UQCRFS1: variants seen among roughly 807,000 people sequenced by gnomAD.
UQCRFS1 encodes the protein cytochrome b-c1 complex subunit Rieske, mitochondrial.
A neutral mutation model predicts 15.6 loss-of-function variants in UQCRFS1; 6 were observed. The ratio of observed to expected loss-of-function variants is 0.38; its 90% CI spans 0.21 to 0.76. The LOEUF is 0.76. UQCRFS1 is among the 30% of genes least tolerant of loss of function. The probability of loss-of-function intolerance (pLI) is 0.44; values close to 1 mark genes in which losing one functional copy is unlikely to be tolerated. For synonymous variants in UQCRFS1, 105 were observed against 154.3 expected, an observed-to-expected ratio of 0.68 and a Z score of 2.37; for missense variants, 203 against 366.7, an observed-to-expected ratio of 0.55 and a Z score of 3.65.
At chr19:29,212,440 G>A (rs950279950) in intron 1 of UQCRFS1, among the ~76,000 whole-genome samples, 2 of 151,978 alleles carry the variant, frequency 1.3e-5, no homozygotes, top group Non-Finnish European at 2.9e-5. Context: ...ATCGGTAGTG[G>A]TGAGAAGACC....
intron 1 of UQCRFS1, among the ~76,000 whole-genome samples, chr19:29,209,636 T>C (rs534876648): frequency 6.6e-6 from 1 of 152,302 alleles, no homozygotes; most frequent in East Asian, 1.9e-4. Flanking sequence ...CATTACATCC[T>C]ATACTACTAC....
In UQCRFS1 at chr19:29,205,912, C is replaced by T. The variant is rs761900476; in HGVS notation, c.*1636G>A. On this transcript the variant is annotated 3_prime_UTR_variant, in exon 2 of 2. Transcript: ENST00000304863. ...AAGCAGCCACCAAATATAGCAATTC[C>T]GGCACTAAGTGAGTACCTAGAGACC... 31 of 152,140 alleles carry T rather than the reference C, an allele frequency of 2.0e-4. No individual in the cohort carries two copies. The highest frequency in any genetic ancestry group is 1.1e-3 in the Admixed American group (17 of 15,280). 9.4% of individuals were successfully genotyped at this position (152,140 alleles called of 1,614,324 possible).
At chr19:29,210,721 GGT>G in intron 1 of UQCRFS1, among the ~76,000 whole-genome samples, 1 of 152,088 alleles carries the variant, frequency 6.6e-6, no homozygotes, top group East Asian at 1.9e-4. Flanking sequence ...AGTATTCCAC[GGT>G]GTATATGTGC....
At position 29,205,861 on chromosome 19, in the gene UQCRFS1, C is replaced by G. The variant is rs1290116730; in HGVS notation, c.*1687G>C. 6.6e-6 allele frequency: 1 copy of G among 152,194 alleles called. No individual in the cohort carries two copies. Among genetic ancestry groups the G allele is most frequent in the Non-Finnish European group, 1.5e-5 (1 of 68,036 alleles). The allele number at this position is 152,194 out of a possible 1,614,324, so 9.4% of individuals were successfully genotyped here. A position where few individuals can be genotyped will look rare whatever the true frequency, so the allele number is the denominator to read the frequency against. ...CTACAATTTAACAGCATCCCACCATCAAACTCTAAATATGAAAGATGAAGT... is the reference window on the plus strand; with the variant it reads ...CTACAATTTAACAGCATCCCACCATGAAACTCTAAATATGAAAGATGAAGT... On this transcript the variant is annotated 3_prime_UTR_variant, in exon 2 of 2. Coordinates refer to ENST00000304863, the MANE Select transcript of UQCRFS1 (RefSeq NM_006003.3).
At chr19:29,211,348 C>T (rs548298215) in intron 1 of UQCRFS1, among the ~76,000 whole-genome samples, 98 of 152,340 alleles carry the variant, frequency 6.4e-4, no homozygotes, top group African/African-American at 2.3e-3. Flanking sequence ...AGCAACACGA[C>T]GAATTCCAAA....
intron 1 of UQCRFS1, among the ~76,000 whole-genome samples, chr19:29,211,349 G>A (rs1388848108): frequency 1.3e-5 from 2 of 152,160 alleles, no homozygotes; most frequent in Admixed American, 6.5e-5. Flanking sequence ...GCAACACGAC[G>A]AATTCCAAAG....
At position 29,208,165 on chromosome 19, in the gene UQCRFS1, G is replaced by A. The variant is rs777749340; in HGVS notation, c.215-7C>T. 1.2e-6 allele frequency: 2 copies of A among 1,600,482 alleles called. No individual in the cohort carries two copies. Among genetic ancestry groups the A allele is most frequent in the East Asian group, 2.2e-5 (1 of 44,822 alleles). On this transcript the variant is annotated splice_region_variant and splice_polypyrimidine_tract_variant and intron_variant, in intron 1 of 1. Coordinates refer to ENST00000304863, the MANE Select transcript of UQCRFS1 (RefSeq NM_006003.3). ...TAACAAACAGAAGCAGGGACTGCAA[G>A]ACAAACAGAAGGTTAAAAAACACAA...
At chr19:29,210,740 T>C (rs1976638171) in intron 1 of UQCRFS1, among the ~76,000 whole-genome samples, 1 of 152,244 alleles carries the variant, frequency 6.6e-6, no homozygotes, top group Admixed American at 6.5e-5. Context: ...GTGCCACATT[T>C]TCTTAATCCG....
At position 29,213,080 on chromosome 19, in the gene UQCRFS1, G is replaced by T. The variant is rs907234512; in HGVS notation, c.39C>A (p.Pro13=). Residue 13 remains proline, a synonymous_variant, in exon 1 of 2, where the codon CCC becomes CCA. Transcript: ENST00000304863. ...CCCCGCGGGACGTGGCCGACAGGACGGGCGCGAACGGGCCTGAGCGGGATG... is the reference window on the plus strand; with the variant it reads ...CCCCGCGGGACGTGGCCGACAGGACTGGCGCGAACGGGCCTGAGCGGGATG... ...SVASRSGPFA[P]VLSATSRGVA... The T allele has an allele frequency of 1.2e-5, 18 of 1,491,056 alleles. No homozygotes were observed. Among genetic ancestry groups the T allele is most frequent in the Non-Finnish European group, 1.6e-5 (18 of 1,129,528 alleles). 92.4% of individuals were successfully genotyped at this position (1,491,056 alleles called of 1,614,324 possible).
In UQCRFS1 at chr19:29,208,153, C is replaced by T. The variant is rs778792989; in HGVS notation, c.220G>A (p.Ala74Thr). Residue 74 changes from alanine (A) to threonine (T), a missense_variant, in exon 2 of 2, where the codon GCT becomes ACT. By Grantham distance (58) the Ala-to-Thr change is moderately conservative. This residue lies in a region of UQCRFS1 where 92 missense variants were observed against 120.5 expected (regional missense o/e 0.76). Transcript: ENST00000304863. Reference sequence around the variant, plus strand: ...TCTGTGTGGGAATAACAAACAGAAGCAGGGACTGCAAGACAAACAGAAGGT... The same window carrying T: ...TCTGTGTGGGAATAACAAACAGAAGTAGGGACTGCAAGACAAACAGAAGGT... The part of the protein sequence containing the change: ...LVASVGLNVP[A>T]SVCYSHTDIK... The T allele has an allele frequency of 1.2e-6, 2 of 1,607,244 alleles. No individual in the cohort carries two copies. The highest frequency in any genetic ancestry group is 2.2e-5 in the South Asian group (2 of 90,048).
At position 29,207,854 on chromosome 19, in the gene UQCRFS1, G is replaced by A; in HGVS notation, c.519C>T (p.Pro173=). ...KNMAFKWRGK[P]LFVRHRTQKE... ...TCTGGGTTCTATGACGCACAAACAG[G>A]GGTTTGCCTCTCCATTTGAAAGCCA... The change falls in exon 2 of 2, where the codon CCC becomes CCT. Residue 173 remains proline (P), a synonymous_variant. Coordinates refer to ENST00000304863, the MANE Select transcript of UQCRFS1 (RefSeq NM_006003.3). 6.2e-7 allele frequency: 1 copy of A among 1,613,972 alleles called. No individual in the cohort carries two copies. The highest frequency in any genetic ancestry group is 1.3e-5 in the African/African-American group (1 of 75,040).
Position 29,207,645 on chromosome 19 carries a change from T to G in UQCRFS1, c.728A>C (p.Tyr243Ser). ...GYYCPCHGSH[Y>S]DASGRIRLGP... ...CAATCTGATCCTGCCAGATGCATCATAGTGTGACCCATGGCAAGGGCAGTA... is the reference window on the plus strand; with the variant it reads ...CAATCTGATCCTGCCAGATGCATCAGAGTGTGACCCATGGCAAGGGCAGTA... The change falls in exon 2 of 2, where the codon TAT (tyrosine) becomes TCT (serine). Residue 243 changes from tyrosine to serine, a missense_variant. Tyr to Ser is a moderately radical substitution (Grantham distance 144). Around this residue, in one of 3 missense-constraint regions of UQCRFS1, gnomAD observed 91 missense variants for 186.9 expected, o/e 0.49. Coordinates refer to ENST00000304863, the MANE Select transcript of UQCRFS1 (RefSeq NM_006003.3). 6.2e-7 allele frequency: 1 copy of G among 1,613,946 alleles called. No homozygotes were observed. Among genetic ancestry groups the G allele is most frequent in the Non-Finnish European group, 8.5e-7 (1 of 1,179,854 alleles).
At chr19:29,209,485 A>G (rs1018122169) in intron 1 of UQCRFS1, among the ~76,000 whole-genome samples, 3 of 152,298 alleles carry the variant, frequency 2.0e-5, no homozygotes, top group South Asian at 2.1e-4. Context: ...ACTTTATGGA[A>G]GCCAGAAGTA....
intron 1 of UQCRFS1, among the ~76,000 whole-genome samples, chr19:29,211,034 T>C (rs1047012254): frequency 2.6e-5 from 4 of 152,040 alleles, no homozygotes; most frequent in Admixed American, 2.6e-4. Flanking sequence ...GTTTCCTGAC[T>C]TTTTAATGAC....
chr19:29,205,343 G>A lies in UQCRFS1; in HGVS notation c.*2205C>T, dbSNP rs1046401006. 6.6e-6 allele frequency: 1 copy of A among 152,200 alleles called. No homozygotes were observed. Among genetic ancestry groups the A allele is most frequent in the African/African-American group, 2.4e-5 (1 of 41,456 alleles). The allele number at this position is 152,200 out of a possible 1,614,324, so 9.4% of individuals were successfully genotyped here. A position where few individuals can be genotyped will look rare whatever the true frequency, so the allele number is the denominator to read the frequency against. On this transcript the variant is annotated 3_prime_UTR_variant, in exon 2 of 2. Transcript: ENST00000304863. ...AATACAGAAAATGAAATTTAGTACT[G>A]TGAGAATGAAGAATTACTTCTGATA...
At position 29,207,605 on chromosome 19, in the gene UQCRFS1, G is replaced by A. The variant is rs779272928; in HGVS notation, c.768C>T (p.Leu256=). ...ACTCATACGTGGGGACTTCAAGGTTGAGAGGAGCAGGACCCAATCTGATCC... is the reference window on the plus strand; with the variant it reads ...ACTCATACGTGGGGACTTCAAGGTTAAGAGGAGCAGGACCCAATCTGATCC... ...SGRIRLGPAP[L]NLEVPTYEFT... is the part of the protein sequence containing the mutation. The change falls in exon 2 of 2, where the codon CTC becomes CTT. Residue 256 remains leucine, a synonymous_variant. Transcript: ENST00000304863. The A allele has an allele frequency of 3.2e-5, 51 of 1,613,840 alleles. No homozygotes were observed. The highest frequency in any genetic ancestry group is 4.1e-5 in the Non-Finnish European group (48 of 1,179,870).
chr19:29,208,189 A>C, intron 1 of UQCRFS1, 31 bp from the exon 2 acceptor site: 1 of 1,576,912 alleles, frequency 6.3e-7, no homozygotes, highest in Non-Finnish European at 8.6e-7. Flanking sequence ...TAAAAAACAC[A>C]ATTAGATGAG....
chr19:29,210,898 T>C (rs1475773178), intron 1 of UQCRFS1, among the ~76,000 whole-genome samples: 1 of 151,962 alleles, frequency 6.6e-6, no homozygotes, highest in African/African-American at 2.4e-5. Context: ...CTGGGTCAAA[T>C]GGTATTTCTA....
Position 29,207,359 on chromosome 19 carries a change from T to G in UQCRFS1, c.*189A>C. The G allele has an allele frequency of 1.3e-6, 1 of 748,524 alleles. No individual in the cohort carries two copies. Among genetic ancestry groups the G allele is most frequent in the Non-Finnish European group, 2.1e-6 (1 of 475,482 alleles). 46.4% of individuals were successfully genotyped at this position (748,524 alleles called of 1,614,324 possible). ...GACTGAGCATAACAGTGCTTAACAG[T>G]GTCTTTATTAAGTGAATGCCTGAAA... On this transcript the variant is annotated 3_prime_UTR_variant, in exon 2 of 2. Coordinates refer to ENST00000304863, the MANE Select transcript of UQCRFS1 (RefSeq NM_006003.3).
Sources: allele counts gnomAD v4.1 joint callset (sites outside exome capture counted in the v4.1 genomes callset), GRCh38; gene constraint gnomAD v4.1.1; regional missense constraint gnomAD v4.1.1; transcripts MANE v1.5; gene names NCBI Gene and HGNC (gene_info 2026-07-23, HGNC 2026-07-21).